CDK14: variants seen among roughly 807,000 people sequenced by gnomAD.
The protein encoded by CDK14 is cyclin-dependent kinase 14.
In CDK14, 34 loss-of-function variants were observed where a neutral mutation model predicts 60.7. The ratio of observed to expected loss-of-function variants is 0.56; its 90% CI spans 0.43 to 0.75. The LOEUF (loss-of-function observed/expected upper bound fraction) is 0.75, where lower values mean the gene tolerates loss of function less well. Among genes scored for constraint, CDK14 ranks in the 30% least tolerant of loss-of-function variants. CDK14 has a pLI of 0.00. For synonymous variants in CDK14, 197 were observed against 203.7 expected (o/e 0.97, Z 0.28); for missense variants, 482 against 564.1 (o/e 0.85, Z 1.47).
intron 13 of CDK14, among the ~76,000 whole-genome samples, chr7:91,113,532 A>G (rs532243607): frequency 4.6e-5 from 7 of 152,312 alleles, no homozygotes; most frequent in African/African-American, 1.7e-4. Context: ...TTTTTGTTCA[A>G]TGGTGATATG....
At chr7:91,093,958 A>C (rs1302044089) in intron 12 of CDK14, among the ~76,000 whole-genome samples, 1 of 152,156 alleles carries the variant, frequency 6.6e-6, no homozygotes, top group Non-Finnish European at 1.5e-5. Context: ...CTCGCTTGTA[A>C]CTGGGAGCTA....
At chr7:90,790,531 G>A in intron 4 of CDK14, 42 bp from the exon 5 acceptor site, 2 of 1,290,352 alleles carry the variant, frequency 1.5e-6, no homozygotes, top group Non-Finnish European at 1.1e-6. Flanking sequence ...ACTATAATGG[G>A]CACATATTTT....
chr7:90,728,504 T>C (rs916319466), intron 3 of CDK14, among the ~76,000 whole-genome samples: 2 of 152,114 alleles, frequency 1.3e-5, no homozygotes, highest in African/African-American at 4.8e-5. Context: ...CTCTTTCTTA[T>C]TCTTTGAATG....
At chr7:91,157,081 C>A (rs2518775) in intron 14 of CDK14, among the ~76,000 whole-genome samples, 1 of 152,216 alleles carries the variant, frequency 6.6e-6, no homozygotes, top group African/African-American at 2.4e-5. Context: ...GGGAATTTGG[C>A]TCTGAATTAG....
chr7:91,101,740 T>C (rs1799150920), intron 12 of CDK14, among the ~76,000 whole-genome samples: 1 of 152,184 alleles, frequency 6.6e-6, no homozygotes, highest in African/African-American at 2.4e-5. Context: ...AATCTTTTCT[T>C]CTGTTAGTCT....
At chr7:90,731,668 T>A (rs1452567521) in intron 3 of CDK14, among the ~76,000 whole-genome samples, 1 of 152,220 alleles carries the variant, frequency 6.6e-6, no homozygotes, top group Non-Finnish European at 1.5e-5. Flanking sequence ...TAGGAATGCT[T>A]GTGATTTTTG....
At chr7:90,709,387 C>T (rs1584808637) in intron 2 of CDK14, 6 of 1,377,296 alleles carry the variant, frequency 4.4e-6, no homozygotes, top group Non-Finnish European at 5.6e-6. Flanking sequence ...TTGAATTGAG[C>T]ATGATGAGGT....
At chr7:90,656,435 A>G (rs1800753067) in intron 2 of CDK14, among the ~76,000 whole-genome samples, 1 of 147,586 alleles carries the variant, frequency 6.8e-6, no homozygotes, top group Admixed American at 6.9e-5. Flanking sequence ...GCTGGAGTGC[A>G]GTGGAGCAGT....
intron 14 of CDK14, among the ~76,000 whole-genome samples, chr7:91,139,783 T>C (rs1045596107): frequency 7.1e-5 from 7 of 98,636 alleles, no homozygotes; most frequent in Non-Finnish European, 1.0e-4. Flanking sequence ...CTTTTTTTCT[T>C]TCCTTTCTTT....
intron 14 of CDK14, among the ~76,000 whole-genome samples, chr7:91,153,460 G>A (rs1800882045): frequency 6.6e-6 from 1 of 152,052 alleles, no homozygotes; most frequent in Non-Finnish European, 1.5e-5. Flanking sequence ...ACTCACATTA[G>A]CAAAGACATG....
At chr7:91,064,772 TG>T (rs1396230491) in intron 11 of CDK14, among the ~76,000 whole-genome samples, 2 of 152,144 alleles carry the variant, frequency 1.3e-5, no homozygotes, top group East Asian at 3.8e-4. Flanking sequence ...AGAGTTTGGA[TG>T]GGGGATTTGG....
intron 14 of CDK14, among the ~76,000 whole-genome samples, chr7:91,122,845 C>T (rs1055455384): frequency 4.6e-5 from 7 of 152,152 alleles, no homozygotes; most frequent in African/African-American, 1.7e-4. Context: ...TTGTGTCAGT[C>T]ACCCCTGTAG....
chr7:90,706,607 A>T (rs1049632671), intron 2 of CDK14, among the ~76,000 whole-genome samples: 1 of 152,188 alleles, frequency 6.6e-6, no homozygotes, highest in African/African-American at 2.4e-5. Context: ...AGCAGAGGAA[A>T]GCCAGAGAAG....
At chr7:90,877,468 A>G (rs1477485538) in intron 6 of CDK14, among the ~76,000 whole-genome samples, 2 of 151,882 alleles carry the variant, frequency 1.3e-5, no homozygotes, top group South Asian at 2.1e-4. Context: ...AGAATTTTCC[A>G]TCTTTTGGGT....
intron 8 of CDK14, among the ~76,000 whole-genome samples, chr7:90,939,680 A>G (rs1793856303): frequency 6.6e-6 from 1 of 152,224 alleles, no homozygotes; most frequent in Non-Finnish European, 1.5e-5. Flanking sequence ...GTAGAAATCT[A>G]TTACAGGATT....
chr7:90,602,419 C>G (rs531993664), intron 1 of CDK14, among the ~76,000 whole-genome samples: 13 of 152,060 alleles, frequency 8.5e-5, no homozygotes, highest in Admixed American at 2.0e-4. Context: ...CAACTTGTCT[C>G]TATTTAGAAT....
intron 6 of CDK14, among the ~76,000 whole-genome samples, chr7:90,868,441 G>T (rs1791258671): frequency 2.6e-5 from 4 of 151,818 alleles, no homozygotes; most frequent in African/African-American, 9.7e-5. Context: ...TATACATTAA[G>T]TATATACAGT....
At chr7:90,813,991 A>T (rs1220705743) in intron 5 of CDK14, among the ~76,000 whole-genome samples, 2 of 152,250 alleles carry the variant, frequency 1.3e-5, no homozygotes, top group Non-Finnish European at 2.9e-5. Context: ...AGAAAATTCA[A>T]GTGTCAACAT....
intron 11 of CDK14, among the ~76,000 whole-genome samples, chr7:91,073,001 C>A (rs1422954234): frequency 6.6e-6 from 1 of 151,974 alleles, no homozygotes; most frequent in Non-Finnish European, 1.5e-5. Flanking sequence ...ACAAAACTTC[C>A]AAGAAATATG....
Sources: allele counts gnomAD v4.1 joint callset (sites outside exome capture counted in the v4.1 genomes callset), GRCh38; gene constraint gnomAD v4.1.1; transcripts MANE v1.5; gene names NCBI Gene and HGNC (gene_info 2026-07-23, HGNC 2026-07-21).